The following THSD7B variants were observed in gnomAD, a reference collection of about 807,000 sequenced individuals.
THSD7B encodes thrombospondin type-1 domain-containing protein 7B.
Under a neutral mutation model 213.6 loss-of-function variants are expected in THSD7B, and 138 were observed. The observed-to-expected ratio is 0.65, with a 90% CI of 0.56 to 0.74. The LOEUF is 0.74. Ranked by LOEUF, THSD7B falls within the 30% of genes least tolerant of loss-of-function variation. The probability of loss-of-function intolerance (pLI) is 0.00; values close to 1 mark genes in which losing one functional copy is unlikely to be tolerated. For synonymous variants in THSD7B, 742 were observed against 687.0 expected (o/e 1.08, Z -1.25); for missense variants, 1,931 against 1,991.5 (o/e 0.97, Z 0.58).
intron 6 of THSD7B, among the ~76,000 whole-genome samples, chr2:137,161,768 C>T (rs1163878270): frequency 7.4e-5 from 10 of 135,326 alleles, no homozygotes; most frequent in Non-Finnish European, 4.9e-5. Flanking sequence ...ATACTAATAC[C>T]TATAGTTTGC....
chr2:137,611,379 T>C (rs147956436), intron 17 of THSD7B, among the ~76,000 whole-genome samples: 1 of 152,240 alleles, frequency 6.6e-6, no homozygotes, highest in Admixed American at 6.6e-5. Context: ...AGAACCAAGA[T>C]GGCATGATTA....
At chr2:137,204,595 C>G (rs1680943553) in intron 7 of THSD7B, among the ~76,000 whole-genome samples, 1 of 152,054 alleles carries the variant, frequency 6.6e-6, no homozygotes, top group Non-Finnish European at 1.5e-5. Flanking sequence ...TGGAAGGACA[C>G]CATTTCAGAA....
In THSD7B at chr2:137,225,361, A is replaced by G. The variant is rs78940529; in HGVS notation, c.1724-5683A>G. ...TCTGGGCTTGCTCCCCCAGTGCTAG[A>G]TTTACTGATGAGCTGACAATGAATT... On this transcript the variant is annotated intron_variant, in intron 7 of 27. Transcript: ENST00000409968. 6.7e-3 allele frequency among the ~76,000 whole-genome samples: 1,017 copies of G among 152,288 alleles called. 11 individuals carry two copies. Among genetic ancestry groups the G allele is most frequent in the African/African-American group, 0.023 (944 of 41,550 alleles).
intron 2 of THSD7B, among the ~76,000 whole-genome samples, chr2:136,986,002 C>T (rs1223524355): frequency 1.3e-5 from 2 of 152,152 alleles, no homozygotes; most frequent in African/African-American, 4.8e-5. Flanking sequence ...CTTGTAGCCC[C>T]TTTCTTTTGA....
At position 137,160,337 on chromosome 2, in the gene THSD7B, T is replaced by C. The variant is rs1453514540; in HGVS notation, c.1494T>C (p.His498=). The stretch of plus-strand genomic sequence containing the variant: ...GGTCAGCCTGGGGCCTGTGCATCCA[T>C]GAAAACTGTCATGATCCTCAGGGGA... ...SSWSAWGLCI[H]ENCHDPQGKK... Residue 498 remains histidine, a synonymous_variant, in exon 6 of 28, where the codon CAT becomes CAC. Coordinates refer to ENST00000409968, the MANE Select transcript of THSD7B (RefSeq NM_001316349.2). 14 of 1,613,420 alleles carry C rather than the reference T, an allele frequency of 8.7e-6. No homozygotes were observed. Among genetic ancestry groups the C allele is most frequent in the South Asian group, 2.2e-5 (2 of 91,020 alleles).
At chr2:136,820,238 T>C (rs1196209898) in intron 1 of THSD7B, among the ~76,000 whole-genome samples, 1 of 152,200 alleles carries the variant, frequency 6.6e-6, no homozygotes, top group African/African-American at 2.4e-5. Flanking sequence ...TTAGTATTGG[T>C]TGAACTACAA....
chr2:136,928,109 T>A (rs530950850), intron 2 of THSD7B, among the ~76,000 whole-genome samples: 1 of 152,176 alleles, frequency 6.6e-6, no homozygotes, highest in Non-Finnish European at 1.5e-5. Context: ...CTTGAAAATA[T>A]CATAAGTAGA....
At chr2:137,158,610 T>C (rs1373915588) in intron 5 of THSD7B, among the ~76,000 whole-genome samples, 1 of 152,090 alleles carries the variant, frequency 6.6e-6, no homozygotes, top group African/African-American at 2.4e-5. Context: ...CAGCTCAGGT[T>C]GCCTCATTGT....
intron 1 of THSD7B, among the ~76,000 whole-genome samples, chr2:136,846,777 G>A (rs752702493): frequency 4.6e-5 from 7 of 152,064 alleles, no homozygotes; most frequent in East Asian, 1.9e-4. Flanking sequence ...TGGGTTTTAC[G>A]ATACACAGAT....
At chr2:137,264,725 C>T (rs1006248704) in intron 10 of THSD7B, among the ~76,000 whole-genome samples, 6 of 151,726 alleles carry the variant, frequency 4.0e-5, no homozygotes, top group African/African-American at 1.5e-4. Context: ...GAGGTAAGCC[C>T]TATACTCTCT....
intron 12 of THSD7B, among the ~76,000 whole-genome samples, chr2:137,399,650 G>T (rs921782883): frequency 7.2e-5 from 11 of 152,214 alleles, no homozygotes; most frequent in Middle Eastern, 3.4e-3. Context: ...ACTTTAGACA[G>T]TCTGATGATG....
Position 137,032,237 on chromosome 2 carries a change from T to TA in THSD7B, c.140-24173dup, listed in dbSNP as rs957225738. Among the ~76,000 whole-genome samples the TA allele has an allele frequency of 6.5e-4, 97 of 149,188 alleles. 1 individual carries two copies. The East Asian group carries it at 9.8e-3, about 15-fold the overall frequency. On this transcript the variant is annotated intron_variant, in intron 2 of 27. Transcript: ENST00000409968. ...ATAGAGTAAAGTTGGGACATGAAGTTAAAAAAAAAATGCCGTTTAGTGTTG... is the reference window on the plus strand; with the variant it reads ...ATAGAGTAAAGTTGGGACATGAAGTTAAAAAAAAAAATGCCGTTTAGTGTTG...
At chr2:137,234,194 C>G (rs1300129067) in intron 9 of THSD7B, among the ~76,000 whole-genome samples, 1 of 152,238 alleles carries the variant, frequency 6.6e-6, no homozygotes, top group Admixed American at 6.5e-5. Flanking sequence ...CCTGGCAGCA[C>G]TGAACCGTGG....
chr2:137,152,697 C>T (rs1679841991), intron 5 of THSD7B, among the ~76,000 whole-genome samples: 1 of 152,118 alleles, frequency 6.6e-6, no homozygotes, highest in Non-Finnish European at 1.5e-5. Flanking sequence ...GGAAGACTTG[C>T]TTTCATTTAA....
chr2:137,311,731 G>C (rs1317045383), intron 12 of THSD7B, among the ~76,000 whole-genome samples: 2 of 151,450 alleles, frequency 1.3e-5, no homozygotes, highest in African/African-American at 4.9e-5. Flanking sequence ...GTTGAATTTT[G>C]TCAAAGGCCT....
chr2:136,990,876 A>G (rs770933185), intron 2 of THSD7B: 26 of 1,340,028 alleles, frequency 1.9e-5, no homozygotes, highest in Non-Finnish European at 2.5e-5. Context: ...GAAGTAAAAT[A>G]TTCAGAGGCG....
At chr2:137,557,509 A>C (rs1439523032) in intron 15 of THSD7B, among the ~76,000 whole-genome samples, 1 of 152,214 alleles carries the variant, frequency 6.6e-6, no homozygotes, top group Non-Finnish European at 1.5e-5. Flanking sequence ...ATGTTCTTTG[A>C]AACCAACGAG....
intron 12 of THSD7B, among the ~76,000 whole-genome samples, chr2:137,384,788 G>C (rs1251872591): frequency 6.6e-6 from 1 of 151,964 alleles, no homozygotes; most frequent in African/African-American, 2.4e-5. Context: ...TCCCCATGGG[G>C]AAACTGCTCT....
chr2:137,004,999 C>G (rs1686076768), intron 2 of THSD7B, among the ~76,000 whole-genome samples: 1 of 152,064 alleles, frequency 6.6e-6, no homozygotes, highest in Non-Finnish European at 1.5e-5. Flanking sequence ...TGTAACTTTT[C>G]TTACATTGTG....
Sources: gnomAD v4.1 joint callset for allele counts (sites outside exome capture counted in the v4.1 genomes callset) on GRCh38, gnomAD v4.1.1 for gene constraint, MANE v1.5 for transcripts, NCBI Gene and HGNC (gene_info 2026-07-23, HGNC 2026-07-21) for gene names.